FBXO34: variants seen among roughly 807,000 people sequenced by gnomAD.
FBXO34 encodes F-box only protein 34.
A neutral mutation model predicts 24.5 loss-of-function variants in FBXO34; 12 were observed. The ratio of observed to expected loss-of-function variants is 0.49; its 90% CI spans 0.31 to 0.79. FBXO34 has a LOEUF of 0.79. FBXO34 is among the 30% of genes least tolerant of loss of function. FBXO34 has a pLI of 0.04. For synonymous variants in FBXO34, 320 were observed against 311.9 expected (o/e 1.03, Z -0.27); for missense variants, 823 against 857.7 (o/e 0.96, Z 0.51).
At chr14:55,323,017 CA>C (rs1444620301) in intron 1 of FBXO34, among the ~76,000 whole-genome samples, 1,597 of 40,880 alleles carry the variant, frequency 0.039, 39 homozygotes, top group African/African-American at 0.15. Context: ...ACTAAAAATA[CA>C]AAAAAAAAAA....
chr14:55,304,791 C>T (rs1882483095), intron 1 of FBXO34, among the ~76,000 whole-genome samples: 1 of 152,134 alleles, frequency 6.6e-6, no homozygotes, highest in East Asian at 1.9e-4. Context: ...AGCCATTGTG[C>T]CCAACCCACC....
chr14:55,376,647 C>T, the FBXO34 span, among the ~76,000 whole-genome samples: 1 of 152,128 alleles, frequency 6.6e-6, no homozygotes. Context: ...GCCAGGCACA[C>T]GTGTTAGTGG....
chr14:55,326,630 G>C (rs1253830952), intron 1 of FBXO34, among the ~76,000 whole-genome samples: 1 of 152,194 alleles, frequency 6.6e-6, no homozygotes, highest in African/African-American at 2.4e-5. Flanking sequence ...GCTCGTAATA[G>C]AGGGCAATCT....
rs1882011341 is a variant in FBXO34 at position 55,293,376 on chromosome 14, C to T, written c.-11+21839C>T. Among the ~76,000 whole-genome samples, 3 of 151,220 alleles carry T rather than the reference C, an allele frequency of 2.0e-5. No individual in the cohort carries two copies. In the South Asian group the frequency reaches 6.3e-4, roughly 32 times the overall value. On this transcript the variant is annotated intron_variant, in intron 1 of 1. Transcript: ENST00000313833. ...TGTTTTTAGTAGAAGATGGGGTTAA[C>T]CCTTGCCATGTTGGCCAGGCTGGTC...
intron 1 of FBXO34, among the ~76,000 whole-genome samples, chr14:55,294,714 C>G (rs939249980): frequency 6.6e-6 from 1 of 151,974 alleles, no homozygotes; most frequent in African/African-American, 2.4e-5. Context: ...ATAATTACAC[C>G]GGGGCAAACA....
At chr14:55,442,290 G>A in the FBXO34 span, among the ~76,000 whole-genome samples, 3 of 151,194 alleles carry the variant, frequency 2.0e-5, no homozygotes, top group Non-Finnish European at 4.4e-5. Context: ...TCAGGAGGCC[G>A]AGGCAGGAGA....
chr14:55,328,004 A>AGCCTCC (rs1883407261), intron 1 of FBXO34, among the ~76,000 whole-genome samples: 1 of 127,276 alleles, frequency 7.9e-6, no homozygotes, highest in African/African-American at 3.1e-5. Flanking sequence ...AGCTCACTGG[A>AGCCTCC]GCCTCCGCCT....
At chr14:55,437,121 G>T in the FBXO34 span, 15 of 989,978 alleles carry the variant, frequency 1.5e-5, no homozygotes, top group East Asian at 7.2e-5. Flanking sequence ...TGTATTCAGT[G>T]TAAGAGGCAG....
the FBXO34 span, among the ~76,000 whole-genome samples, chr14:55,425,811 C>A: frequency 6.6e-6 from 1 of 152,250 alleles, no homozygotes; most frequent in Non-Finnish European, 1.5e-5. Flanking sequence ...TGTTTCATTA[C>A]TGTCATTGAC....
chr14:55,369,821 T>C, downstream of FBXO34: 1 of 1,614,224 alleles, frequency 6.2e-7, no homozygotes, highest in Non-Finnish European at 8.5e-7. Context: ...GGTTTCTTCA[T>C]CGCTGACGCG....
At position 55,285,095 on chromosome 14, in the gene FBXO34, C is replaced by CGG. The variant is rs1025411827; in HGVS notation, c.-11+13560_-11+13561dup. On this transcript the variant is annotated intron_variant, in intron 1 of 1. Transcript: ENST00000313833. ...AGCTTCTTTCAAGAATTGTTCCGGC[C>CGG]GGGCACAGTGGCTCACGCCTGTAAT... The CGG allele has an allele frequency of 7.3e-5, 11 of 149,830 alleles. 1 individual carries two copies. Among genetic ancestry groups the CGG allele is most frequent in the Admixed American group, 4.0e-4 (6 of 14,910 alleles). 9.3% of individuals were successfully genotyped at this position (149,830 alleles called of 1,614,324 possible).
the FBXO34 span, chr14:55,382,254 A>C: frequency 0.46 from 654,628 of 1,426,042 alleles, 157,643 homozygotes; most frequent in African/African-American, 0.88. Flanking sequence ...ATGCAATATA[A>C]CTGCAAGACA....
At chr14:55,287,004 G>T (rs1199495427) in intron 1 of FBXO34, among the ~76,000 whole-genome samples, 2 of 151,414 alleles carry the variant, frequency 1.3e-5, no homozygotes, top group Non-Finnish European at 2.9e-5. Flanking sequence ...CACCTCCCAG[G>T]TTCAAGCGAT....
At chr14:55,395,887 AC>A in the FBXO34 span, 1 of 1,308,426 alleles carries the variant, frequency 7.6e-7, no homozygotes, top group Non-Finnish European at 1.0e-6. Context: ...TATAAGCTCT[AC>A]CAACTTAAAA....
At chr14:55,368,376 C>A (rs1459291885), downstream of FBXO34, 1 of 152,272 alleles carries the variant, frequency 6.6e-6, no homozygotes. Context: ...TGCGCCACCA[C>A]ACCCGGTAAT....
rs558344633 is a variant in FBXO34, at chr14:55,277,949, G to A, written c.-11+6412G>A. Reference sequence around the variant, plus strand: ...AAGATATGTAAACTTTGAGCGGGCTGAATCAACAGATTAGTCTGAACTTCT... The same window carrying A: ...AAGATATGTAAACTTTGAGCGGGCTAAATCAACAGATTAGTCTGAACTTCT... On this transcript the variant is annotated intron_variant, in intron 1 of 1. Coordinates refer to ENST00000313833, the MANE Select transcript of FBXO34 (RefSeq NM_017943.4). Among the ~76,000 whole-genome samples, 369 of 152,272 alleles carry A rather than the reference G, an allele frequency of 2.4e-3. 3 individuals carry two copies. Among genetic ancestry groups the A allele is most frequent in the Non-Finnish European group, 4.2e-3 (286 of 68,016 alleles).
intron 1 of FBXO34, chr14:55,298,585 G>T: frequency 1.2e-6 from 1 of 821,188 alleles, no homozygotes; most frequent in Non-Finnish European, 1.9e-6. Context: ...GGTGGAGGCG[G>T]AGGAGGGCGG....
Position 55,296,849 on chromosome 14 carries a change from C to T in FBXO34, c.-11+25312C>T, listed in dbSNP as rs370971712. On this transcript the variant is annotated intron_variant, in intron 1 of 1. Coordinates refer to ENST00000313833, the MANE Select transcript of FBXO34 (RefSeq NM_017943.4). ...TCTTTAATGTGAATTAGTTTTGAAC[C>T]TTAATTAGCCATTTGTCTTCTAAAA... Among the ~76,000 whole-genome samples, 13 of 152,070 alleles carry T rather than the reference C, an allele frequency of 8.5e-5. No individual in the cohort carries two copies. The East Asian group carries it at 2.5e-3, about 29-fold the overall frequency.
intron 1 of FBXO34, among the ~76,000 whole-genome samples, chr14:55,315,500 A>G (rs76454237): frequency 0.014 from 2,157 of 152,260 alleles, 58 homozygotes; most frequent in African/African-American, 0.049. Context: ...TTAGTCTTTC[A>G]TCTTGGCAGA....
Sources: allele counts gnomAD v4.1 joint callset (sites outside exome capture counted in the v4.1 genomes callset), GRCh38; gene constraint gnomAD v4.1.1; transcripts MANE v1.5; gene names NCBI Gene and HGNC (gene_info 2026-07-23, HGNC 2026-07-21).